SPPL2B: variants seen among roughly 807,000 people sequenced by gnomAD.
SPPL2B encodes the protein signal peptide peptidase like 2B.
In SPPL2B, 39 loss-of-function variants were observed where a neutral mutation model predicts 59.7. The ratio of observed to expected loss-of-function variants is 0.65; its 90% CI spans 0.51 to 0.85. The LOEUF (loss-of-function observed/expected upper bound fraction) is 0.85. Ranked by LOEUF, SPPL2B falls within the 40% of genes least tolerant of loss-of-function variation. SPPL2B has a pLI of 0.00. For missense variants in SPPL2B, 865 were observed against 849.0 expected, an observed-to-expected ratio of 1.02 and a Z score of -0.23; for synonymous variants, 419 against 370.8, an observed-to-expected ratio of 1.13 and a Z score of -1.49.
intron 2 of SPPL2B, among the ~76,000 whole-genome samples, chr19:2,335,267 C>T (rs552101839): frequency 6.9e-6 from 1 of 145,398 alleles, no homozygotes. Context: ...CTTCAGGCCC[C>T]GCCTCCTTTC....
intron 1 of SPPL2B, among the ~76,000 whole-genome samples, chr19:2,333,271 G>T (rs1968384159): frequency 6.9e-6 from 1 of 145,370 alleles, no homozygotes; most frequent in Non-Finnish European, 1.5e-5. Context: ...GCTGGGAGGG[G>T]AGCAGGAGGA....
At chr19:2,341,335 C>T (rs544322868) in intron 8 of SPPL2B, 250 of 551,200 alleles carry the variant, frequency 4.5e-4, no homozygotes, top group Middle Eastern at 1.1e-3. Flanking sequence ...GTCTGTCCCC[C>T]GCTGTCCCTT....
intron 5 of SPPL2B, chr19:2,339,604 G>A (rs904040035): frequency 2.0e-5 from 12 of 612,718 alleles, no homozygotes; most frequent in Non-Finnish European, 3.4e-5. Context: ...CGGCCTAGTG[G>A]CCACCCCAGC....
At chr19:2,338,648 G>C (rs927991735) in intron 3 of SPPL2B, 104 bp from the exon 4 acceptor site, 1 of 745,694 alleles carries the variant, frequency 1.3e-6, no homozygotes, top group Non-Finnish European at 2.2e-6. Flanking sequence ...AGCCTGACCC[G>C]AGCCTCGAGT....
intron 13 of SPPL2B, among the ~76,000 whole-genome samples, chr19:2,349,091 C>T (rs1334457918): frequency 5.0e-5 from 7 of 139,464 alleles, no homozygotes; most frequent in East Asian, 2.2e-4. Context: ...CACACACTCG[C>T]GTTCTCATTC....
At chr19:2,335,791 C>A (rs1336867692) in intron 2 of SPPL2B, among the ~76,000 whole-genome samples, 3 of 152,270 alleles carry the variant, frequency 2.0e-5, no homozygotes, top group Non-Finnish European at 2.9e-5. Context: ...GTCCCGCCCC[C>A]TCCTGGAGCC....
chr19:2,329,442 G>A (rs1568424629), intron 1 of SPPL2B, among the ~76,000 whole-genome samples: 1 of 152,210 alleles, frequency 6.6e-6, no homozygotes. Flanking sequence ...TTCATTGTGT[G>A]TCATTTGATG....
intron 13 of SPPL2B, among the ~76,000 whole-genome samples, chr19:2,350,342 G>A (rs58775091): frequency 0.063 from 8,065 of 128,130 alleles, 975 homozygotes; most frequent in African/African-American, 0.23. Context: ...ACACACTCAC[G>A]TGCTCTCATT....
At chr19:2,348,766 C>T (rs1296771403) in intron 13 of SPPL2B, among the ~76,000 whole-genome samples, 21 of 110,294 alleles carry the variant, frequency 1.9e-4, no homozygotes, top group Non-Finnish European at 3.0e-4. Context: ...CACACACTCA[C>T]GCGCTCTCAT....
rs192000517 is a variant in SPPL2B, at chr19:2,337,595, C to T, written c.339C>T (p.Arg113=). 202 of 1,594,826 alleles carry T rather than the reference C, an allele frequency of 1.3e-4. No individual in the cohort carries two copies. The highest frequency in any genetic ancestry group is 1.5e-4 in the Non-Finnish European group (173 of 1,169,306). ...KVRLAQGSGA[R]GLLIVSRERL... is the part of the protein sequence containing the mutation. ...GGCTGGCCCAGGGCAGCGGAGCACG[C>T]GGGCTGCTCATCGTCAGCAGGGAGA... The change falls in exon 3 of 15, where the codon CGC becomes CGT. Residue 113 remains arginine (R), a synonymous_variant. Coordinates refer to ENST00000613503, the MANE Select transcript of SPPL2B (RefSeq NM_152988.3).
At chr19:2,352,282 C>T (rs1969970435) in intron 14 of SPPL2B, among the ~76,000 whole-genome samples, 1 of 152,150 alleles carries the variant, frequency 6.6e-6, no homozygotes, top group African/African-American at 2.4e-5. Flanking sequence ...GGCAGCGCCT[C>T]TTGGAGTCCA....
intron 2 of SPPL2B, among the ~76,000 whole-genome samples, chr19:2,336,329 TTA>T (rs1482452343): frequency 1.3e-5 from 2 of 151,900 alleles, no homozygotes; most frequent in African/African-American, 2.4e-5. Flanking sequence ...TACATAATAG[TTA>T]TGTTTGTGGA....
intron 8 of SPPL2B, 58 bp downstream of exon 8, chr19:2,341,072 C>A: frequency 3.2e-6 from 4 of 1,251,070 alleles, no homozygotes; most frequent in Non-Finnish European, 4.6e-6. Context: ...TGCACCAGGG[C>A]TCCTGGGGCC....
chr19:2,353,134 T>TGGGAGCCC lies in SPPL2B; in HGVS notation c.1705_1712dup (p.Ala572GlyfsTer17). ...GGGCTGGAGCCCCCATGCGGGAGCCTGGGAGCCCAGCTGAATCCGAGGGCC... is the reference window on the plus strand; with the variant it reads ...GGGCTGGAGCCCCCATGCGGGAGCCTGGGAGCCCGGGAGCCCAGCTGAATCCGAGGGCC... On this transcript the variant is annotated frameshift_variant, in exon 15 of 15. Transcript: ENST00000613503. LOFTEE classifies it low-confidence loss of function (END_TRUNC). 1 of 1,610,582 alleles carries TGGGAGCCC rather than the reference T, an allele frequency of 6.2e-7. No individual in the cohort carries two copies. The highest frequency in any genetic ancestry group is 2.2e-5 in the East Asian group (1 of 44,794).
At chr19:2,335,905 A>T (rs1968572241) in intron 2 of SPPL2B, among the ~76,000 whole-genome samples, 1 of 152,308 alleles carries the variant, frequency 6.6e-6, no homozygotes, top group South Asian at 2.1e-4. Flanking sequence ...GGACATGCTC[A>T]TGTGTCTGCA....
chr19:2,348,529 T>C (rs1388239320), intron 13 of SPPL2B, among the ~76,000 whole-genome samples: 16 of 130,226 alleles, frequency 1.2e-4, no homozygotes, highest in Admixed American at 4.0e-4. Flanking sequence ...TCTCTCTCCC[T>C]CCACACACAC....
At chr19:2,337,658 T>A in intron 3 of SPPL2B, 33 bp downstream of exon 3, 4 of 1,509,190 alleles carry the variant, frequency 2.7e-6, no homozygotes, top group Non-Finnish European at 3.5e-6. Context: ...CTGGGCCAGC[T>A]CTCAGGGGCA....
intron 13 of SPPL2B, among the ~76,000 whole-genome samples, chr19:2,350,953 C>G (rs1026830379): frequency 6.6e-6 from 1 of 152,228 alleles, no homozygotes; most frequent in Non-Finnish European, 1.5e-5. Flanking sequence ...GACACCGTGC[C>G]CTTTGACCCC....
At chr19:2,340,293 C>G in intron 7 of SPPL2B, 121 bp downstream of exon 7, 2 of 802,682 alleles carry the variant, frequency 2.5e-6, no homozygotes, top group Non-Finnish European at 3.8e-6. Context: ...GGCGCTCCCT[C>G]AGTGCTGGCC....
Sources: gnomAD v4.1 joint callset for allele counts (sites outside exome capture counted in the v4.1 genomes callset) on GRCh38, gnomAD v4.1.1 for gene constraint, MANE v1.5 for transcripts, NCBI Gene and HGNC (gene_info 2026-07-23, HGNC 2026-07-21) for gene names.